The following CPT1B variants were observed in gnomAD, a reference collection of about 807,000 sequenced individuals.
CPT1B encodes the protein carnitine O-palmitoyltransferase 1, muscle isoform.
CPT1B carries 57 observed loss-of-function variants against 92.7 expected under a neutral mutation model. The observed-to-expected ratio is 0.62, with a 90% confidence interval of 0.50 to 0.77. CPT1B has a LOEUF of 0.77. Among genes scored for constraint, CPT1B ranks in the 30% least tolerant of loss-of-function variants. The probability of loss-of-function intolerance (pLI) is 0.00; values close to 1 mark genes in which losing one functional copy is unlikely to be tolerated. For synonymous variants in CPT1B, 398 were observed against 383.5 expected (o/e 1.04, Z -0.44); for missense variants, 983 against 1,017.4 (o/e 0.97, Z 0.46).
At position 50,573,174 on chromosome 22, in the gene CPT1B, G is replaced by A. The variant is rs1286888988; in HGVS notation, c.1167-114C>T. On this transcript the variant is annotated intron_variant, in intron 10 of 19. Transcript: ENST00000312108. The surrounding 1 kb of genome is among the most constrained non-coding windows in gnomAD (Gnocchi z 5.0). ...GGGTGCCAGGCTGGACCTGGAGATG[G>A]GGGGTACCACGCTGGACCTGGAGAT... is the stretch of plus-strand genomic sequence containing the variant. The A allele has an allele frequency of 1.0e-5, 9 of 897,702 alleles. No individual in the cohort carries two copies. Among genetic ancestry groups the A allele is most frequent in the Non-Finnish European group, 1.7e-6 (1 of 592,324 alleles). The allele number at this position is 897,702 out of a possible 1,614,324, so 55.6% of individuals were successfully genotyped here.
intron 16 of CPT1B, 137 bp downstream of exon 16, chr22:50,570,754 G>C: frequency 8.5e-7 from 1 of 1,176,204 alleles, no homozygotes; most frequent in Non-Finnish European, 1.2e-6. Flanking sequence ...GGGTGTGGGC[G>C]GGAAAGCTGG....
In CPT1B at chr22:50,573,198, A is replaced by T; in HGVS notation, c.1167-138T>A. Reference sequence around the variant, plus strand: ...GGGGGGTACCACGCTGGACCTGGAGATGTGGGGGTGCCAGGCTGGGCCTGG... The same window carrying T: ...GGGGGGTACCACGCTGGACCTGGAGTTGTGGGGGTGCCAGGCTGGGCCTGG... On this transcript the variant is annotated intron_variant, in intron 10 of 19. Coordinates refer to ENST00000312108, the MANE Select transcript of CPT1B (RefSeq NM_152246.3). The surrounding 1 kb of genome is among the most constrained non-coding windows in gnomAD (Gnocchi z 5.0). 1 of 503,318 alleles carries T rather than the reference A, an allele frequency of 2.0e-6. No homozygotes were observed. The highest frequency in any genetic ancestry group is 2.4e-5 in the South Asian group (1 of 40,864). 31.2% of individuals were successfully genotyped at this position (503,318 alleles called of 1,614,324 possible).
rs1177643959 is a variant in CPT1B, at chr22:50,577,942, G to A, written c.-19-8C>T. ...CTGGGGGTTGGTCGGCACCTAGGAC[G>A]GGGGCAGATGGGTGCGCGGGCGCGC... is the stretch of plus-strand genomic sequence containing the variant. On this transcript the variant is annotated splice_region_variant and splice_polypyrimidine_tract_variant and intron_variant, in intron 1 of 19. Transcript: ENST00000312108. The A allele has an allele frequency of 1.3e-6, 2 of 1,593,098 alleles. No homozygotes were observed. Among genetic ancestry groups the A allele is most frequent in the East Asian group, 2.3e-5 (1 of 44,318 alleles).
At chr22:50,571,106 G>A in intron 15 of CPT1B, 52 bp downstream of exon 15, 5 of 1,611,788 alleles carry the variant, frequency 3.1e-6, no homozygotes, top group Non-Finnish European at 4.2e-6. Context: ...AGGAGGCAGA[G>A]GGGGCACCTC....
chr22:50,577,136 G>T, intron 3 of CPT1B, 102 bp from the exon 4 acceptor site: 1 of 1,423,538 alleles, frequency 7.0e-7, no homozygotes, highest in Admixed American at 1.8e-5. Context: ...ACCTCCCTGG[G>T]CACACTCATG....
At position 50,573,199 on chromosome 22, in the gene CPT1B, T is replaced by C. The variant is rs2070266432; in HGVS notation, c.1167-139A>G. On this transcript the variant is annotated intron_variant, in intron 10 of 19. Transcript: ENST00000312108. The surrounding 1 kb of genome is among the most constrained non-coding windows in gnomAD (Gnocchi z 5.0). ...GGGGGTACCACGCTGGACCTGGAGA[T>C]GTGGGGGTGCCAGGCTGGGCCTGGA... 1.8e-6 allele frequency: 1 copy of C among 544,022 alleles called. No individual in the cohort carries two copies. Among genetic ancestry groups the C allele is most frequent in the Non-Finnish European group, 2.9e-6 (1 of 347,698 alleles). The allele number at this position is 544,022 out of a possible 1,614,324, so 33.7% of individuals were successfully genotyped here.
chr22:50,571,090 G>T (rs548589066), intron 15 of CPT1B, 47 bp from the exon 16 acceptor site: 1 of 1,611,520 alleles, frequency 6.2e-7, no homozygotes, highest in South Asian at 1.1e-5. Flanking sequence ...GGCCCTCCAG[G>T]CAGACAGGAG....
rs2070255432 is a variant in CPT1B, at chr22:50,573,026, TA to T, written c.1200del (p.Phe400LeufsTer188). The T allele has an allele frequency of 6.2e-7, 1 of 1,608,210 alleles. No homozygotes were observed. Among genetic ancestry groups the T allele is most frequent in the Non-Finnish European group, 8.5e-7 (1 of 1,175,688 alleles). On this transcript the variant is annotated frameshift_variant, in exon 11 of 20. Coordinates refer to ENST00000312108, the MANE Select transcript of CPT1B (RefSeq NM_152246.3). LOFTEE classifies it high-confidence loss of function. This position sits in a 1 kb window ranked among gnomAD's most constrained non-coding sequence, Gnocchi z 5.0. ...AAGGCAGCCTTATTCTTTCCAGAGC[TA>T]AAGAAGGCCTGGCGTGCCTGCGCCC... ...VEWAQARQAF[F>X]SSGKNKAALE...
In CPT1B at chr22:50,569,376, T is replaced by C. The variant is rs2070042982; in HGVS notation, c.2281A>G (p.Ile761Val). Residue 761 changes from isoleucine to valine, a missense_variant, in exon 19 of 20, where the codon ATT becomes GTT. Coordinates refer to ENST00000312108, the MANE Select transcript of CPT1B (RefSeq NM_152246.3). ...GNHIRKALLD[I>V]ADLFQVPKAY... is the part of the protein sequence containing the mutation. ...TTGGGAACTTGGAAAAGATCAGCAA[T>C]GTCCAGCAGGGCTTTGCGGATGTGG... 1.9e-6 allele frequency: 3 copies of C among 1,614,038 alleles called. No homozygotes were observed. The highest frequency in any genetic ancestry group is 2.5e-6 in the Non-Finnish European group (3 of 1,180,028).
rs745389134 is a variant in CPT1B, at chr22:50,571,994, C to G, written c.1575+12G>C. 6.2e-7 allele frequency: 1 copy of G among 1,611,024 alleles called. No homozygotes were observed. The highest frequency in any genetic ancestry group is 1.7e-5 in the Admixed American group (1 of 60,018). On this transcript the variant is annotated intron_variant, in intron 13 of 19. Transcript: ENST00000312108. ...TGTGGTCTCACACCTGCTCTGGGAG[C>G]TTCCAACCCACCTGTTTTGGAATGT...
rs2146640545 is a variant in CPT1B, at chr22:50,577,062, G to C, written c.282-28C>G. ...ATTGGAGAGGGGCAAGGGCTGCAGGGGGTCCTCTTGAGGCCAGCCTCGGGT... is the reference window on the plus strand; with the variant it reads ...ATTGGAGAGGGGCAAGGGCTGCAGGCGGTCCTCTTGAGGCCAGCCTCGGGT... On this transcript the variant is annotated intron_variant, in intron 3 of 19. Coordinates refer to ENST00000312108, the MANE Select transcript of CPT1B (RefSeq NM_152246.3). 6 of 1,610,270 alleles carry C rather than the reference G, an allele frequency of 3.7e-6. No homozygotes were observed. The South Asian group carries it at 6.6e-5, about 18-fold the overall frequency.
chr22:50,576,526 AG>A lies in CPT1B; in HGVS notation c.561+9del. 1.3e-6 allele frequency: 2 copies of A among 1,598,030 alleles called. No individual in the cohort carries two copies. Among genetic ancestry groups the A allele is most frequent in the Non-Finnish European group, 1.7e-6 (2 of 1,171,840 alleles). On this transcript the variant is annotated intron_variant, in intron 5 of 19. Coordinates refer to ENST00000312108, the MANE Select transcript of CPT1B (RefSeq NM_152246.3). Reference sequence around the variant, plus strand: ...CCCTGCCCACTGGGATGCCCAAGCGAGGCCCTCACCCGCTGAATTGTGGCTG... The same window carrying A: ...CCCTGCCCACTGGGATGCCCAAGCGAGCCCTCACCCGCTGAATTGTGGCTG...
chr22:50,570,841 G>C, intron 16 of CPT1B, 50 bp downstream of exon 16: 3 of 1,590,778 alleles, frequency 1.9e-6, no homozygotes, highest in African/African-American at 1.3e-5. Context: ...CCCAAGCCCT[G>C]CGTGTAGGAG....
chr22:50,576,354 T>A lies in CPT1B; in HGVS notation c.562-19A>T, dbSNP rs780382790. On this transcript the variant is annotated intron_variant, in intron 5 of 19. Coordinates refer to ENST00000312108, the MANE Select transcript of CPT1B (RefSeq NM_152246.3). ...CTAGGTACTGTCCAGCCAGTTATCATCACCGTGGGGCCAGATGGCAAGGGC... is the reference window on the plus strand; with the variant it reads ...CTAGGTACTGTCCAGCCAGTTATCAACACCGTGGGGCCAGATGGCAAGGGC... The A allele has an allele frequency of 5.6e-6, 9 of 1,613,896 alleles. No individual in the cohort carries two copies. Among genetic ancestry groups the A allele is most frequent in the Non-Finnish European group, 7.6e-6 (9 of 1,179,910 alleles).
At chr22:50,572,146 G>A in intron 12 of CPT1B, 24 bp from the exon 13 acceptor site, 1 of 1,612,234 alleles carries the variant, frequency 6.2e-7, no homozygotes. Context: ...ATGAGACTGA[G>A]AGGCTGGCCT....
chr22:50,571,640 C>G (rs899317926), intron 13 of CPT1B, 101 bp from the exon 14 acceptor site: 4 of 1,339,110 alleles, frequency 3.0e-6, no homozygotes, highest in Admixed American at 2.0e-5. Flanking sequence ...AGAAAGGGCA[C>G]AGCCGGCCAA....
In CPT1B at chr22:50,576,980, G is replaced by T. The variant is rs755016176; in HGVS notation, c.336C>A (p.Phe112Leu). Residue 112 changes from phenylalanine to leucine, a missense_variant, in exon 4 of 20, where the codon TTC (phenylalanine) becomes TTA (leucine). Transcript: ENST00000312108. The stretch of plus-strand genomic sequence containing the variant: ...TGCCCGTCACCCAGACGCCCGTGGA[G>T]AAGATGGCCATGCTGAGAAGTGCCC... ...QTRALLSMAI[F>L]STGVWVTGIF... 1.9e-6 allele frequency: 3 copies of T among 1,614,106 alleles called. No individual in the cohort carries two copies. The South Asian group carries it at 3.3e-5, about 18-fold the overall frequency.
In CPT1B at chr22:50,576,232, T is replaced by C; in HGVS notation, c.665A>G (p.Tyr222Cys). Reference protein sequence around the residue: ...QDKTAPRLQKYLVLKSWWASN... With the variant: ...QDKTAPRLQKCLVLKSWWASN... ...TGCCCACCATGACTTGAGCACCAGGTATTTCTGCAGCCTGGGGGCAGTCTT... is the reference window on the plus strand; with the variant it reads ...TGCCCACCATGACTTGAGCACCAGGCATTTCTGCAGCCTGGGGGCAGTCTT... Residue 222 changes from tyrosine to cysteine, a missense_variant, in exon 6 of 20, where the codon TAC becomes TGC. By Grantham distance (194) the Tyr-to-Cys change is radical (BLOSUM62 -2). Transcript: ENST00000312108. 6.2e-7 allele frequency: 1 copy of C among 1,614,020 alleles called. No individual in the cohort carries two copies. Among genetic ancestry groups the C allele is most frequent in the Non-Finnish European group, 8.5e-7 (1 of 1,180,006 alleles).
At chr22:50,569,973 G>C (rs961720225) in intron 17 of CPT1B, among the ~76,000 whole-genome samples, 3 of 152,192 alleles carry the variant, frequency 2.0e-5, no homozygotes, top group Admixed American at 2.0e-4. Flanking sequence ...TTCTGTGGGA[G>C]ACAGCTGCAC....
Sources: gnomAD v4.1 joint callset for allele counts (sites outside exome capture counted in the v4.1 genomes callset) on GRCh38, gnomAD v4.1.1 for gene constraint, Gnocchi (gnomAD v3.1) non-coding constraint, MANE v1.5 for transcripts, NCBI Gene and HGNC (gene_info 2026-07-23, HGNC 2026-07-21) for gene names.